OPCML: variants seen among roughly 807,000 people sequenced by gnomAD.
OPCML encodes the protein opioid-binding protein/cell adhesion molecule.
OPCML carries 13 observed loss-of-function variants against 37.8 expected under a neutral mutation model. That is an observed-to-expected ratio of 0.34 (90% CI 0.22 to 0.55). The LOEUF is 0.55. OPCML is among the 20% of genes least tolerant of loss of function. OPCML has a pLI of 0.91. For synonymous variants in OPCML, 176 were observed against 168.8 expected (o/e 1.04, Z -0.33); for missense variants, 341 against 435.6 (o/e 0.78, Z 1.93).
At chr11:132,439,635 C>T (rs7951386) in intron 4 of OPCML, among the ~76,000 whole-genome samples, 13,988 of 151,326 alleles carry the variant, frequency 0.092, 1,839 homozygotes, top group African/African-American at 0.29. Flanking sequence ...CAATCTAAGC[C>T]TTTTTAAGGA....
chr11:132,425,834 C>G (rs1397322167), intron 7 of OPCML, among the ~76,000 whole-genome samples: 2 of 152,308 alleles, frequency 1.3e-5, no homozygotes, highest in Non-Finnish European at 2.9e-5. Flanking sequence ...TCTGAGGAAG[C>G]GTATTCAGTA....
rs147679341 is a variant in OPCML at position 132,451,400 on chromosome 11, C to T, written c.506-14041G>A. 5.1e-3 allele frequency among the ~76,000 whole-genome samples: 779 copies of T among 151,870 alleles called. 7 individuals carry two copies. Among genetic ancestry groups the T allele is most frequent in the African/African-American group, 0.018 (726 of 41,374 alleles). On this transcript the variant is annotated intron_variant, in intron 4 of 7. Coordinates refer to ENST00000524381, the MANE Select transcript of OPCML (RefSeq NM_001012393.5). Reference sequence around the variant, plus strand: ...GCTGGGGCGGGGGTGGGGGCGCAGACGGGAGGACACAGCAGGTGAATTCCT... The same window carrying T: ...GCTGGGGCGGGGGTGGGGGCGCAGATGGGAGGACACAGCAGGTGAATTCCT...
chr11:133,412,010 C>T (rs1239727677), intron 1 of OPCML, among the ~76,000 whole-genome samples: 1 of 152,188 alleles, frequency 6.6e-6, no homozygotes, highest in African/African-American at 2.4e-5. Flanking sequence ...TCTGTCTATC[C>T]ATTTACCATG....
intron 4 of OPCML, among the ~76,000 whole-genome samples, chr11:132,490,814 A>T (rs532349235): frequency 6.7e-6 from 1 of 150,328 alleles, no homozygotes; most frequent in East Asian, 2.0e-4. Flanking sequence ...CTATCTCAAA[A>T]AAAAAGAAAA....
intron 1 of OPCML, among the ~76,000 whole-genome samples, chr11:133,469,065 T>A (rs1295825753): frequency 6.6e-6 from 1 of 152,106 alleles, no homozygotes; most frequent in Non-Finnish European, 1.5e-5. Flanking sequence ...GCACATTCTC[T>A]CCCAATAGAG....
intron 1 of OPCML, among the ~76,000 whole-genome samples, chr11:133,531,450 C>T (rs1400421690): frequency 6.6e-6 from 1 of 152,152 alleles, no homozygotes; most frequent in Non-Finnish European, 1.5e-5. Flanking sequence ...TTCCAACCTT[C>T]CCTCAGCAGG....
chr11:132,645,052 TGGGTCCCTGCACTTCC>T, intron 3 of OPCML, among the ~76,000 whole-genome samples: 1 of 152,240 alleles, frequency 6.6e-6, no homozygotes, highest in Non-Finnish European at 1.5e-5. Context: ...TGCAGCAGGC[TGGGTCCCTGCACTTCC>T]AGCTCTGCCT....
intron 1 of OPCML, among the ~76,000 whole-genome samples, chr11:133,220,663 A>G: frequency 6.6e-6 from 1 of 152,194 alleles, no homozygotes; most frequent in Non-Finnish European, 1.5e-5. Flanking sequence ...AGGTCTTAAA[A>G]TCACAGGTAT....
intron 1 of OPCML, among the ~76,000 whole-genome samples, chr11:133,328,891 T>G (rs1190989637): frequency 6.6e-6 from 1 of 152,166 alleles, no homozygotes; most frequent in African/African-American, 2.4e-5. Context: ...GGAAGTCAAA[T>G]TGTCCCTGTT....
intron 7 of OPCML, among the ~76,000 whole-genome samples, chr11:132,421,052 T>A (rs2095956988): frequency 6.6e-6 from 1 of 151,960 alleles, no homozygotes; most frequent in Non-Finnish European, 1.5e-5. Flanking sequence ...CACCGGGAAA[T>A]AAGTCCACAG....
intron 4 of OPCML, among the ~76,000 whole-genome samples, chr11:132,457,387 A>G (rs1220558970): frequency 6.6e-6 from 1 of 152,198 alleles, no homozygotes; most frequent in Non-Finnish European, 1.5e-5. Flanking sequence ...GACCAAACCT[A>G]CACTGATACA....
chr11:133,089,166 G>C (rs974230870), intron 1 of OPCML, among the ~76,000 whole-genome samples: 1 of 152,190 alleles, frequency 6.6e-6, no homozygotes, highest in African/African-American at 2.4e-5. Flanking sequence ...TAGTAAGTGA[G>C]CAGAACCAAT....
intron 2 of OPCML, among the ~76,000 whole-genome samples, chr11:132,826,694 T>A (rs947990396): frequency 1.2e-4 from 18 of 152,234 alleles, no homozygotes; most frequent in African/African-American, 4.3e-4. Flanking sequence ...CTATACTGCA[T>A]TATGACCACA....
chr11:132,530,669 G>A (rs574005009), intron 3 of OPCML, among the ~76,000 whole-genome samples: 1 of 151,548 alleles, frequency 6.6e-6, no homozygotes, highest in African/African-American at 2.4e-5. Flanking sequence ...ACAGCACATG[G>A]CACACACTCT....
chr11:132,740,996 C>T (rs1053949134), intron 2 of OPCML, among the ~76,000 whole-genome samples: 2 of 152,176 alleles, frequency 1.3e-5, no homozygotes, highest in African/African-American at 4.8e-5. Context: ...TGACGTGAAG[C>T]TCAAAGTTCA....
intron 2 of OPCML, among the ~76,000 whole-genome samples, chr11:132,667,863 A>G (rs1012586328): frequency 2.2e-4 from 33 of 152,240 alleles, no homozygotes; most frequent in Non-Finnish European, 5.9e-5. Flanking sequence ...GTTGGTGGTC[A>G]AGAATTTGTA....
chr11:133,140,958 A>AGAC (rs1565468748), intron 1 of OPCML, among the ~76,000 whole-genome samples: 6 of 2,122 alleles, frequency 2.8e-3, no homozygotes, highest in African/African-American at 4.4e-3. Flanking sequence ...ACGAAGAAGA[A>AGAC]GAAGAAGAAG....
chr11:132,770,340 C>T (rs1946596244), intron 2 of OPCML, among the ~76,000 whole-genome samples: 1 of 151,844 alleles, frequency 6.6e-6, no homozygotes, highest in Non-Finnish European at 1.5e-5. Context: ...TAGTTTTGTG[C>T]TGGAGCAATT....
At chr11:132,599,541 A>T (rs1350852322) in intron 3 of OPCML, among the ~76,000 whole-genome samples, 1 of 152,158 alleles carries the variant, frequency 6.6e-6, no homozygotes, top group Non-Finnish European at 1.5e-5. Context: ...ACAAAAATAC[A>T]ACTCCAAATG....
Sources: allele counts gnomAD v4.1 joint callset (sites outside exome capture counted in the v4.1 genomes callset), GRCh38; gene constraint gnomAD v4.1.1; transcripts MANE v1.5; gene names NCBI Gene and HGNC (gene_info 2026-07-23, HGNC 2026-07-21).